COL4A2: variants seen among roughly 807,000 people sequenced by gnomAD.
COL4A2 encodes collagen type IV alpha 2 chain.
A neutral mutation model predicts 200.2 loss-of-function variants in COL4A2; 99 were observed. The ratio of observed to expected loss-of-function variants is 0.49; its 90% CI spans 0.42 to 0.58. The LOEUF (loss-of-function observed/expected upper bound fraction) is 0.58, where lower values mean the gene tolerates loss of function less well. Ranked by LOEUF, COL4A2 falls within the 20% of genes least tolerant of loss-of-function variation. The pLI is 0.00. For missense variants in COL4A2, 1,950 were observed against 2,314.1 expected, an observed-to-expected ratio of 0.84 and a Z score of 3.23; for synonymous variants, 897 against 900.6, an observed-to-expected ratio of 1.00 and a Z score of 0.07.
chr13:110,469,631 C>T (rs550332931), intron 28 of COL4A2, among the ~76,000 whole-genome samples: 1 of 152,272 alleles, frequency 6.6e-6, no homozygotes, highest in East Asian at 1.9e-4. Context: ...TAATATTAAA[C>T]ATTCTAAGGG....
chr13:110,354,319 C>T (rs1877096174), intron 3 of COL4A2, among the ~76,000 whole-genome samples: 1 of 152,126 alleles, frequency 6.6e-6, no homozygotes, highest in South Asian at 2.1e-4. Flanking sequence ...TGCGCCAGCC[C>T]ATCTAGTCTT....
intron 10 of COL4A2, 54 bp downstream of exon 10, chr13:110,430,661 C>T (rs748263528): frequency 1.2e-6 from 2 of 1,608,932 alleles, no homozygotes; most frequent in African/African-American, 1.3e-5. Flanking sequence ...GTCATCCCTT[C>T]CAGATGCCAC....
chr13:110,402,723 C>T (rs890173816), intron 4 of COL4A2, among the ~76,000 whole-genome samples: 4 of 152,254 alleles, frequency 2.6e-5, no homozygotes, highest in Non-Finnish European at 5.9e-5. Flanking sequence ...GAGTGAGGAG[C>T]CCCTCTCCCA....
At chr13:110,377,381 G>A (rs1459943946) in intron 4 of COL4A2, among the ~76,000 whole-genome samples, 1 of 152,128 alleles carries the variant, frequency 6.6e-6, no homozygotes, top group African/African-American at 2.4e-5. Flanking sequence ...ACTCCTGCCT[G>A]GTCACTCTCC....
chr13:110,308,174 C>T, intron 3 of COL4A2, 51 bp downstream of exon 3: 1 of 1,604,232 alleles, frequency 6.2e-7, no homozygotes, highest in Non-Finnish European at 8.5e-7. Context: ...GTGGTTGGGA[C>T]GTTTGAGTGG....
chr13:110,503,814 G>T lies in COL4A2; in HGVS notation c.4139-33G>T, dbSNP rs374958600. On this transcript the variant is annotated intron_variant, in intron 43 of 47. Coordinates refer to ENST00000360467, the MANE Select transcript of COL4A2 (RefSeq NM_001846.4). ...GAGCAAGAGAGTGGAACGACCTTGT[G>T]TGTTTACTGGGGCCTCTCTGTTTCC... is the stretch of plus-strand genomic sequence containing the variant. 6.6e-5 allele frequency: 106 copies of T among 1,613,556 alleles called. No homozygotes were observed. The African/African-American group carries it at 1.1e-3, about 17-fold the overall frequency.
chr13:110,317,290 A>C (rs971421059), intron 3 of COL4A2, among the ~76,000 whole-genome samples: 1 of 151,840 alleles, frequency 6.6e-6, no homozygotes, highest in Non-Finnish European at 1.5e-5. Context: ...ATGCACACAC[A>C]CACGCACATA....
chr13:110,350,082 A>G lies in COL4A2; in HGVS notation c.100-7390A>G, dbSNP rs569699370. On this transcript the variant is annotated intron_variant, in intron 3 of 47. Coordinates refer to ENST00000360467, the MANE Select transcript of COL4A2 (RefSeq NM_001846.4). ...CCAGCCCAATTTCCACATCTTTCTA[A>G]ATGTAATGATGCCAAGATTTAAATA... 2.4e-4 allele frequency among the ~76,000 whole-genome samples: 36 copies of G among 152,290 alleles called. No individual in the cohort carries two copies. The South Asian group carries it at 2.7e-3, about 11-fold the overall frequency.
rs559086421 is a variant in COL4A2, at chr13:110,505,159, G to T, written c.4402+895G>T. 6.6e-5 allele frequency among the ~76,000 whole-genome samples: 10 copies of T among 151,406 alleles called. No individual in the cohort carries two copies. In the South Asian group the frequency reaches 8.4e-4, roughly 13 times the overall value. On this transcript the variant is annotated intron_variant, in intron 45 of 47. Transcript: ENST00000360467. ...AGGGCAGGAGATCGAGACCATCCTG[G>T]CTAACACGGTGAAACCCCGTCTCTA...
rs764867819 is a variant in COL4A2, at chr13:110,503,897, A to T, written c.4189A>T (p.Ile1397Phe). Reference protein sequence around the residue: ...APGIAGIPQKIAVQPGTVGPQ... With the variant: ...APGIAGIPQKFAVQPGTVGPQ... ...CGGGATTGCAGGAATCCCCCAGAAG[A>T]TTGCCGTCCAACCAGGGACAGTGGG... is the stretch of plus-strand genomic sequence containing the variant. The change falls in exon 44 of 48, where the codon ATT (isoleucine) becomes TTT (phenylalanine). Residue 1397 changes from isoleucine to phenylalanine, a missense_variant. By Grantham distance (21) the Ile-to-Phe change is conservative. Around this residue, in one of 2 missense-constraint regions of COL4A2, gnomAD observed 1,385 missense variants for 1,720.5 expected, o/e 0.80. Transcript: ENST00000360467. The T allele has an allele frequency of 6.2e-7, 1 of 1,613,196 alleles. No individual in the cohort carries two copies. The highest frequency in any genetic ancestry group is 2.2e-5 in the East Asian group (1 of 44,796).
At chr13:110,404,007 G>C (rs898322657) in intron 4 of COL4A2, among the ~76,000 whole-genome samples, 5 of 152,078 alleles carry the variant, frequency 3.3e-5, no homozygotes, top group Non-Finnish European at 5.9e-5. Flanking sequence ...GCTCCCCTGG[G>C]CCTCTTTGAG....
intron 8 of COL4A2, 43 bp from the exon 9 acceptor site, chr13:110,430,358 T>C: frequency 1.3e-6 from 2 of 1,598,490 alleles, no homozygotes; most frequent in African/African-American, 1.4e-5. Flanking sequence ...AATCTAAAGA[T>C]GGTTAAAAGC....
chr13:110,475,809 G>A (rs1373739793), intron 29 of COL4A2, among the ~76,000 whole-genome samples: 2 of 152,222 alleles, frequency 1.3e-5, no homozygotes, highest in Non-Finnish European at 2.9e-5. Flanking sequence ...TAATGCAGAC[G>A]TCCACAAATG....
At chr13:110,499,323 G>A (rs989189343) in intron 40 of COL4A2, among the ~76,000 whole-genome samples, 9 of 152,224 alleles carry the variant, frequency 5.9e-5, no homozygotes, top group African/African-American at 2.2e-4. Flanking sequence ...CATGGCGGAA[G>A]GGGAAGCAAA....
At chr13:110,348,656 ATT>A (rs5806851) in intron 3 of COL4A2, among the ~76,000 whole-genome samples, 313 of 149,298 alleles carry the variant, frequency 2.1e-3, no homozygotes, top group African/African-American at 5.2e-3. Flanking sequence ...AATTGTATAG[ATT>A]TTTTTTTTTT....
intron 3 of COL4A2, among the ~76,000 whole-genome samples, chr13:110,337,251 T>A (rs896243697): frequency 1.3e-5 from 2 of 152,234 alleles, no homozygotes; most frequent in Non-Finnish European, 2.9e-5. Flanking sequence ...GGCATGATGC[T>A]GATCACAGCC....
chr13:110,449,757 C>T lies in COL4A2; in HGVS notation c.1157C>T (p.Pro386Leu). Residue 386 changes from proline to leucine, a missense_variant, in exon 19 of 48, where the codon CCA becomes CTA. This residue lies in a region of COL4A2 where 565 missense variants were observed against 593.5 expected (regional missense o/e 0.95). Transcript: ENST00000360467. ...SQGEPGDPGL[P>L]GPPGLSIGDG... ...GGTGAGCCAGGAGACCCGGGCCTCC[C>T]AGGTCCCCCTGGCCTCTCCATCGGA... is the stretch of plus-strand genomic sequence containing the variant. 3.2e-6 allele frequency: 5 copies of T among 1,548,888 alleles called. No homozygotes were observed. The highest frequency in any genetic ancestry group is 4.4e-6 in the Non-Finnish European group (5 of 1,146,646).
chr13:110,495,374 G>T lies in COL4A2; in HGVS notation c.3667G>T (p.Gly1223Cys). 2.5e-6 allele frequency: 4 copies of T among 1,614,114 alleles called. No homozygotes were observed. Among genetic ancestry groups the T allele is most frequent in the Non-Finnish European group, 3.4e-6 (4 of 1,180,012 alleles). ...CATCCACGGAGACCCAGGCTTCCCAGGCCCTCCTGGGGAAAGAGGTGACCC... is the reference window on the plus strand; with the variant it reads ...CATCCACGGAGACCCAGGCTTCCCATGCCCTCCTGGGGAAAGAGGTGACCC... ...SDIHGDPGFP[G>C]PPGERGDPGE... The change falls in exon 40 of 48, where the codon GGC (glycine) becomes TGC (cysteine). Residue 1223 changes from glycine to cysteine, a missense_variant. This residue lies in a region of COL4A2 where 1,385 missense variants were observed against 1,720.5 expected (regional missense o/e 0.80). Transcript: ENST00000360467.
In COL4A2 at chr13:110,478,853, C is replaced by T. The variant is rs543680897; in HGVS notation, c.2587+689C>T. Among the ~76,000 whole-genome samples the T allele has an allele frequency of 5.9e-5, 9 of 152,376 alleles. No homozygotes were observed. In the South Asian group the frequency reaches 1.2e-3, roughly 21 times the overall value. On this transcript the variant is annotated intron_variant, in intron 30 of 47. Transcript: ENST00000360467. Reference sequence around the variant, plus strand: ...CACCGTAACTGTAAAGTGGGAAAGACGCAGTTGCTTAATAAGGAGTTGTCT... The same window carrying T: ...CACCGTAACTGTAAAGTGGGAAAGATGCAGTTGCTTAATAAGGAGTTGTCT...
Sources: gnomAD v4.1 joint callset for allele counts (sites outside exome capture counted in the v4.1 genomes callset) on GRCh38, gnomAD v4.1.1 for gene constraint, gnomAD v4.1.1 regional missense constraint, MANE v1.5 for transcripts, NCBI Gene and HGNC (gene_info 2026-07-23, HGNC 2026-07-21) for gene names.